The following ARID3B variants were observed in gnomAD, a reference collection of about 807,000 sequenced individuals.
The protein encoded by ARID3B is AT-rich interaction domain 3B, also known as AT-rich interactive domain-containing protein 3B.
Under a neutral mutation model 51.9 loss-of-function variants are expected in ARID3B, and 10 were observed. The observed-to-expected ratio is 0.19, with a 90% CI of 0.12 to 0.33. ARID3B has a LOEUF of 0.33. ARID3B is among the 10% of genes least tolerant of loss of function. The probability of loss-of-function intolerance (pLI) is 1.00; values close to 1 mark genes in which losing one functional copy is unlikely to be tolerated. For synonymous variants in ARID3B, 205 were observed against 279.5 expected (o/e 0.73, Z 2.66); for missense variants, 483 against 716.3 (o/e 0.67, Z 3.72).
chr15:74,594,322 C>A (rs1042616322), intron 8 of ARID3B, among the ~76,000 whole-genome samples: 3 of 152,176 alleles, frequency 2.0e-5, no homozygotes, highest in Non-Finnish European at 2.9e-5. Flanking sequence ...GGGGCGGGTG[C>A]CTGTAGTCCC....
At chr15:74,553,728 A>G (rs531162302) in intron 2 of ARID3B, among the ~76,000 whole-genome samples, 118 of 152,216 alleles carry the variant, frequency 7.8e-4, no homozygotes, top group African/African-American at 2.6e-3. Context: ...AATGTATGTT[A>G]ATCCATTTCA....
chr15:74,552,948 C>T (rs2061643536), intron 2 of ARID3B, among the ~76,000 whole-genome samples: 1 of 152,078 alleles, frequency 6.6e-6, no homozygotes, highest in African/African-American at 2.4e-5. Flanking sequence ...GGGTAAATAC[C>T]AAGAAGCGTG....
chr15:74,593,520 C>T (rs1409320211), intron 8 of ARID3B, among the ~76,000 whole-genome samples: 2 of 152,230 alleles, frequency 1.3e-5, no homozygotes, highest in Non-Finnish European at 2.9e-5. Context: ...CCCACAATCC[C>T]CAGGTCTTCT....
At chr15:74,579,545 T>C (rs1455835704) in intron 4 of ARID3B, among the ~76,000 whole-genome samples, 1 of 152,208 alleles carries the variant, frequency 6.6e-6, no homozygotes, top group Non-Finnish European at 1.5e-5. Flanking sequence ...CATGATTGTG[T>C]CTATCGAGCT....
At chr15:74,573,359 G>A (rs548126562) in intron 4 of ARID3B, 155 bp downstream of exon 4, 32 of 763,530 alleles carry the variant, frequency 4.2e-5, no homozygotes, top group South Asian at 6.2e-5. Context: ...CCAATTAACC[G>A]ATAGCCAGAT....
intron 2 of ARID3B, among the ~76,000 whole-genome samples, chr15:74,556,782 T>TTTG (rs1244467932): frequency 6.8e-6 from 1 of 147,372 alleles, no homozygotes; most frequent in East Asian, 2.0e-4. Flanking sequence ...TTTTGTTTTT[T>TTTG]TTTTTTTTTT....
At chr15:74,585,092 G>C (rs533422072) in intron 4 of ARID3B, among the ~76,000 whole-genome samples, 3 of 152,326 alleles carry the variant, frequency 2.0e-5, no homozygotes, top group African/African-American at 7.2e-5. Context: ...TGCTTTGATA[G>C]CAGTGACTGA....
At chr15:74,571,771 G>A (rs1050618500) in intron 2 of ARID3B, among the ~76,000 whole-genome samples, 5 of 152,192 alleles carry the variant, frequency 3.3e-5, no homozygotes, top group African/African-American at 1.2e-4. Flanking sequence ...TTGAAGGGAA[G>A]GCTTCCTGCT....
At chr15:74,590,361 G>A (rs981628211) in intron 5 of ARID3B, among the ~76,000 whole-genome samples, 3 of 152,204 alleles carry the variant, frequency 2.0e-5, no homozygotes, top group Non-Finnish European at 4.4e-5. Context: ...TCAGACCTGG[G>A]CTTCTGTCTC....
At chr15:74,546,160 A>G (rs569244265) in intron 2 of ARID3B, among the ~76,000 whole-genome samples, 2 of 152,186 alleles carry the variant, frequency 1.3e-5, no homozygotes, top group Admixed American at 1.3e-4. Flanking sequence ...GAGAATCCCA[A>G]CTTCCACGAC....
intron 4 of ARID3B, 37 bp downstream of exon 4, chr15:74,573,241 A>G (rs200652595): frequency 9.8e-5 from 156 of 1,596,112 alleles, no homozygotes; most frequent in Middle Eastern, 1.7e-4. Flanking sequence ...AATTCAGGGA[A>G]TACTGATAGA....
chr15:74,582,947 A>C (rs2061767231), intron 4 of ARID3B, among the ~76,000 whole-genome samples: 1 of 151,922 alleles, frequency 6.6e-6, no homozygotes, highest in African/African-American at 2.4e-5. Flanking sequence ...TAATCCCAGC[A>C]CTTTGGGAGG....
In ARID3B at chr15:74,591,317, G is replaced by A. The variant is rs994507193; in HGVS notation, c.1048G>A (p.Gly350Arg). The A allele has an allele frequency of 1.1e-5, 18 of 1,613,778 alleles. No individual in the cohort carries two copies. The highest frequency in any genetic ancestry group is 2.7e-5 in the African/African-American group (2 of 74,900). ...TGCGGCTACTGCTGCTGCCGCTGCCGGGGCCCCTGCCCTTCTCTCCCCACC... is the reference window on the plus strand; with the variant it reads ...TGCGGCTACTGCTGCTGCCGCTGCCAGGGCCCCTGCCCTTCTCTCCCCACC... ...PAAATAAAAA[G>R]APALLSPPKI... The change falls in exon 6 of 9, where the codon GGG becomes AGG. Residue 350 changes from glycine (G) to arginine (R), a missense_variant. Coordinates refer to ENST00000346246, the MANE Select transcript of ARID3B (RefSeq NM_006465.4). The surrounding 1 kb of genome is among the most constrained non-coding windows in gnomAD (Gnocchi z 5.8).
At chr15:74,588,788 C>T (rs969963721) in intron 4 of ARID3B, among the ~76,000 whole-genome samples, 1 of 152,010 alleles carries the variant, frequency 6.6e-6, no homozygotes, top group Non-Finnish European at 1.5e-5. Context: ...TCCCTGGCTC[C>T]TCTCACTTCC....
chr15:74,542,639 C>G (rs962251916), intron 1 of ARID3B, among the ~76,000 whole-genome samples: 1 of 152,146 alleles, frequency 6.6e-6, no homozygotes, highest in Non-Finnish European at 1.5e-5. Flanking sequence ...GTCTTTCGAC[C>G]CAATCCTAAA....
At chr15:74,551,076 T>C (rs2061635874) in intron 2 of ARID3B, among the ~76,000 whole-genome samples, 1 of 152,234 alleles carries the variant, frequency 6.6e-6, no homozygotes, top group Admixed American at 6.5e-5. Context: ...CAGTCTTCCA[T>C]ATACATGGGT....
chr15:74,581,407 T>A (rs575382180), intron 4 of ARID3B, among the ~76,000 whole-genome samples: 2 of 152,372 alleles, frequency 1.3e-5, no homozygotes, highest in Admixed American at 6.5e-5. Flanking sequence ...ATTTCTTGTA[T>A]ATTCTTTGTA....
intron 2 of ARID3B, among the ~76,000 whole-genome samples, chr15:74,562,443 A>C (rs185074822): frequency 5.3e-5 from 8 of 152,166 alleles, no homozygotes; most frequent in African/African-American, 1.9e-4. Flanking sequence ...GCCCAGTCCA[A>C]TATTTTCAAC....
intron 4 of ARID3B, among the ~76,000 whole-genome samples, chr15:74,577,762 G>A (rs1316687477): frequency 1.3e-5 from 2 of 152,032 alleles, no homozygotes; most frequent in Admixed American, 1.3e-4. Flanking sequence ...CAAATTCCTG[G>A]GCTCAAGTGA....
Sources: allele counts gnomAD v4.1 joint callset (sites outside exome capture counted in the v4.1 genomes callset), GRCh38; gene constraint gnomAD v4.1.1; non-coding constraint Gnocchi (gnomAD v3.1); transcripts MANE v1.5; gene names NCBI Gene and HGNC (gene_info 2026-07-23, HGNC 2026-07-21).